Variants in CYP4X1 observed in about 807,000 individuals in gnomAD.
The protein encoded by CYP4X1 is cytochrome P450 4X1.
CYP4X1 carries 44 observed loss-of-function variants against 57.9 expected under a neutral mutation model. The observed-to-expected ratio is 0.76, with a 90% CI of 0.60 to 0.98. The LOEUF (loss-of-function observed/expected upper bound fraction) is 0.98, where lower values mean the gene tolerates loss of function less well. Ranked by LOEUF, CYP4X1 falls within the 50% of genes least tolerant of loss-of-function variation. The pLI is 0.00. For synonymous variants in CYP4X1, 227 were observed against 228.6 expected (o/e 0.99, Z 0.06); for missense variants, 532 against 623.9 (o/e 0.85, Z 1.57).
At chr1:46,996,772 C>G in the CYP4X1 span, among the ~76,000 whole-genome samples, 10 of 151,840 alleles carry the variant, frequency 6.6e-5, no homozygotes, top group Non-Finnish European at 1.5e-4. Context: ...TGGTATGAAG[C>G]AGAGGCCTGT....
chr1:47,025,696 AT>A (rs1045156874), intron 1 of CYP4X1, among the ~76,000 whole-genome samples: 1 of 151,822 alleles, frequency 6.6e-6, no homozygotes, highest in African/African-American at 2.4e-5. Flanking sequence ...ATTTGTCACT[AT>A]TTTTTTCCAA....
the CYP4X1 span, among the ~76,000 whole-genome samples, chr1:46,975,210 A>T: frequency 3.3e-5 from 5 of 152,070 alleles, no homozygotes; most frequent in African/African-American, 1.2e-4. Flanking sequence ...TGATCCTGTC[A>T]TCATGTTGTT....
the CYP4X1 span, among the ~76,000 whole-genome samples, chr1:46,993,438 G>A: frequency 6.6e-6 from 1 of 152,164 alleles, no homozygotes; most frequent in African/African-American, 2.4e-5. Context: ...AATCCTTTGG[G>A]TATATACCCA....
At chr1:47,038,068 G>T (rs544355178) in intron 6 of CYP4X1, among the ~76,000 whole-genome samples, 97 of 152,214 alleles carry the variant, frequency 6.4e-4, no homozygotes, top group African/African-American at 2.3e-3. Flanking sequence ...TAATTAAGGA[G>T]ATTTTGTGGC....
chr1:46,986,880 C>A, the CYP4X1 span, among the ~76,000 whole-genome samples: 1 of 151,908 alleles, frequency 6.6e-6, no homozygotes, highest in African/African-American at 2.4e-5. Context: ...CTAAAGGAAG[C>A]ACTAAACATG....
At chr1:47,013,925 C>T in the CYP4X1 span, among the ~76,000 whole-genome samples, 3 of 151,856 alleles carry the variant, frequency 2.0e-5, no homozygotes, top group African/African-American at 7.3e-5. Flanking sequence ...CAGGTATCCA[C>T]CACCATGTCT....
chr1:46,990,460 A>G, the CYP4X1 span, among the ~76,000 whole-genome samples: 1 of 152,194 alleles, frequency 6.6e-6, no homozygotes. Flanking sequence ...TGGGACTGTA[A>G]ATTAGTTCAA....
chr1:47,041,725 A>G lies in CYP4X1; in HGVS notation c.1073+2193A>G, dbSNP rs114129677. ...TTGCAGACATGTTCTCCCATCCTTT[A>G]AGTTGTCTCTTCACTATGTTGATTG... On this transcript the variant is annotated intron_variant, in intron 8 of 11. Coordinates refer to ENST00000371901, the MANE Select transcript of CYP4X1 (RefSeq NM_178033.2). Among the ~76,000 whole-genome samples, 532 of 152,054 alleles carry G rather than the reference A, an allele frequency of 3.5e-3. 2 individuals carry two copies. Among genetic ancestry groups the G allele is most frequent in the Non-Finnish European group, 5.9e-3 (398 of 67,952 alleles).
chr1:47,036,379 TATATATAC>T (rs1290595899), intron 6 of CYP4X1, among the ~76,000 whole-genome samples: 1 of 144,966 alleles, frequency 6.9e-6, no homozygotes, highest in East Asian at 2.1e-4. Context: ...TTTATATATA[TATATATAC>T]ACTATTTTTA....
At chr1:47,048,398 C>T (rs1390855407) in intron 9 of CYP4X1, among the ~76,000 whole-genome samples, 167 bp from the exon 10 acceptor site, 1 of 152,196 alleles carries the variant, frequency 6.6e-6, no homozygotes, top group African/African-American at 2.4e-5. Flanking sequence ...GGTGCCAACC[C>T]AAGCCGCATC....
At position 47,035,829 on chromosome 1, in the gene CYP4X1, C is replaced by T. The variant is rs367975972; in HGVS notation, c.516C>T (p.Ser172=). The T allele has an allele frequency of 1.6e-5, 26 of 1,612,982 alleles. No individual in the cohort carries two copies. In the African/African-American group the frequency reaches 3.5e-4, roughly 22 times the overall value. ...MMLDKWEKIC[S]TQDTSVEVYE... The stretch of plus-strand genomic sequence containing the variant: ...AGGATAAGTGGGAGAAGATTTGCAG[C>T]ACTCAGGACACAAGCGTGGAGGTCT... Residue 172 remains serine (S), a synonymous_variant, in exon 5 of 12, where the codon AGC becomes AGT. Transcript: ENST00000371901.
the CYP4X1 span, among the ~76,000 whole-genome samples, chr1:46,984,307 G>A: frequency 3.4e-5 from 5 of 148,096 alleles, no homozygotes; most frequent in East Asian, 2.0e-4. Flanking sequence ...TCTTCTTGAT[G>A]AATCCCAATG....
chr1:47,040,223 C>T (rs1424125604), intron 8 of CYP4X1, among the ~76,000 whole-genome samples: 1 of 151,950 alleles, frequency 6.6e-6, no homozygotes, highest in African/African-American at 2.4e-5. Flanking sequence ...AGGTACCTAC[C>T]CTGGCATGGG....
In CYP4X1 at chr1:47,035,806, G is replaced by A; in HGVS notation, c.493G>A (p.Asp165Asn). 1 of 1,611,962 alleles carries A rather than the reference G, an allele frequency of 6.2e-7. No individual in the cohort carries two copies. The change falls in exon 5 of 12, where the codon GAT (aspartate) becomes AAT (asparagine). Residue 165 changes from aspartate (D) to asparagine (N), a missense_variant and splice_region_variant. Coordinates refer to ENST00000371901, the MANE Select transcript of CYP4X1 (RefSeq NM_178033.2). ...TGTTGGTCTTGACCTCCTGTGCCAG[G>A]ATAAGTGGGAGAAGATTTGCAGCAC... ...VMAHSVKMML[D>N]KWEKICSTQD...
chr1:46,970,302 G>A, the CYP4X1 span, among the ~76,000 whole-genome samples: 2 of 152,168 alleles, frequency 1.3e-5, no homozygotes, highest in Non-Finnish European at 2.9e-5. Context: ...ATGCTGGCTG[G>A]CCATTGGGAA....
chr1:46,987,543 A>G, the CYP4X1 span, among the ~76,000 whole-genome samples: 2 of 152,248 alleles, frequency 1.3e-5, no homozygotes, highest in Non-Finnish European at 2.9e-5. Context: ...CCTAATAGAC[A>G]TCGACAGAAC....
the CYP4X1 span, among the ~76,000 whole-genome samples, chr1:46,974,451 C>T: frequency 6.6e-6 from 1 of 152,050 alleles, no homozygotes; most frequent in Non-Finnish European, 1.5e-5. Context: ...CTCATTTGGT[C>T]AAGTGTCAAG....
chr1:46,969,658 C>T, the CYP4X1 span, among the ~76,000 whole-genome samples: 1 of 152,226 alleles, frequency 6.6e-6, no homozygotes, highest in African/African-American at 2.4e-5. Context: ...AAGATTTCCA[C>T]AGAAGCAATT....
chr1:46,993,697 T>C, the CYP4X1 span, among the ~76,000 whole-genome samples: 1,826 of 152,384 alleles, frequency 0.012, 48 homozygotes, highest in African/African-American at 0.041. Context: ...TGAGCATTTT[T>C]TCGTGTGTCT....
Sources: gnomAD v4.1 joint callset for allele counts (sites outside exome capture counted in the v4.1 genomes callset) on GRCh38, gnomAD v4.1.1 for gene constraint, MANE v1.5 for transcripts, NCBI Gene and HGNC (gene_info 2026-07-23, HGNC 2026-07-21) for gene names.